Variants in SIK3 observed in about 807,000 individuals in gnomAD.
SIK3 encodes SIK family kinase 3, also known as serine/threonine-protein kinase SIK3.
A neutral mutation model predicts 144.2 loss-of-function variants in SIK3; 28 were observed. That is an observed-to-expected ratio of 0.19 (90% CI 0.14 to 0.27). The LOEUF is 0.27. Among genes scored for constraint, SIK3 ranks in the 10% least tolerant of loss-of-function variants. The pLI is 1.00. For synonymous variants in SIK3, 686 were observed against 676.3 expected, an observed-to-expected ratio of 1.01 and a Z score of -0.22; for missense variants, 1,319 against 1,776.0, an observed-to-expected ratio of 0.74 and a Z score of 4.62.
intron 1 of SIK3, among the ~76,000 whole-genome samples, chr11:117,029,157 C>T (rs1379508919): frequency 6.6e-6 from 1 of 152,200 alleles, no homozygotes; most frequent in African/African-American, 2.4e-5. Context: ...GATCCGCCAA[C>T]CTCGGTCTCC....
intron 13 of SIK3, among the ~76,000 whole-genome samples, chr11:116,871,451 T>G (rs941782193): frequency 6.6e-6 from 1 of 152,126 alleles, no homozygotes; most frequent in Non-Finnish European, 1.5e-5. Context: ...TGACAAATGG[T>G]CTTGAATAAC....
At chr11:116,851,986 C>T (rs1423868155) in intron 21 of SIK3, among the ~76,000 whole-genome samples, 3 of 152,190 alleles carry the variant, frequency 2.0e-5, no homozygotes, top group Non-Finnish European at 4.4e-5. Flanking sequence ...TGCTTTTTTC[C>T]TTTAAGCCTG....
At chr11:116,920,658 C>G (rs1946914735) in intron 4 of SIK3, among the ~76,000 whole-genome samples, 1 of 152,204 alleles carries the variant, frequency 6.6e-6, no homozygotes, top group Non-Finnish European at 1.5e-5. Flanking sequence ...TACACCTGAT[C>G]ATCCAATCAC....
intron 4 of SIK3, among the ~76,000 whole-genome samples, chr11:116,897,677 T>C (rs1011620766): frequency 6.6e-5 from 10 of 152,044 alleles, no homozygotes; most frequent in Admixed American, 6.6e-4. Flanking sequence ...GATCACGAGG[T>C]CAGGAGATCA....
intron 1 of SIK3, among the ~76,000 whole-genome samples, chr11:117,016,375 GGAGGGAGA>G (rs1175089248): frequency 3.0e-5 from 3 of 99,196 alleles, no homozygotes; most frequent in African/African-American, 1.5e-4. Context: ...GGAAGGAGAG[GGAGGGAGA>G]GAGGGAGGGA....
intron 1 of SIK3, among the ~76,000 whole-genome samples, chr11:117,075,522 C>T (rs12274388): frequency 0.39 from 59,213 of 150,602 alleles, 14,766 homozygotes; most frequent in African/African-American, 0.72. Context: ...TATCCACATT[C>T]TATGTTATTG....
intron 6 of SIK3, among the ~76,000 whole-genome samples, chr11:116,877,484 T>C (rs1944314104): frequency 6.6e-6 from 1 of 152,214 alleles, no homozygotes; most frequent in Non-Finnish European, 1.5e-5. Context: ...AGGTGTGCAA[T>C]ACCCTTCTTC....
chr11:116,847,736 C>T (rs200622628), intron 22 of SIK3, 128 bp from the exon 23 acceptor site: 141 of 1,090,656 alleles, frequency 1.3e-4, no homozygotes, highest in Non-Finnish European at 1.8e-4. Flanking sequence ...CAGACTCCTT[C>T]CTCTAAAGCA....
chr11:117,023,621 A>AAAATAT (rs754624841), intron 1 of SIK3, among the ~76,000 whole-genome samples: 121 of 95,342 alleles, frequency 1.3e-3, no homozygotes, highest in East Asian at 7.4e-3. Context: ...AAAAAAAAAA[A>AAAATAT]ATATATATAT....
At chr11:116,938,443 C>G (rs562106347) in intron 3 of SIK3, among the ~76,000 whole-genome samples, 1 of 1,768 alleles carries the variant, frequency 5.7e-4, no homozygotes, top group Non-Finnish European at 1.0e-3. Context: ...GGGGACGGGA[C>G]GGGAGGGGAG....
intron 6 of SIK3, among the ~76,000 whole-genome samples, chr11:116,880,873 C>T (rs997653926): frequency 1.3e-5 from 2 of 152,146 alleles, no homozygotes; most frequent in African/African-American, 4.8e-5. Context: ...TCTGTAATCC[C>T]AGCACTTTGG....
chr11:116,995,440 T>A (rs1381179010), intron 1 of SIK3, among the ~76,000 whole-genome samples: 2 of 151,830 alleles, frequency 1.3e-5, no homozygotes, highest in East Asian at 4.0e-4. Flanking sequence ...ATTTTTGTAT[T>A]TTTGTAGAGA....
intron 1 of SIK3, among the ~76,000 whole-genome samples, chr11:117,075,765 G>A (rs1208534846): frequency 2.7e-5 from 4 of 146,204 alleles, no homozygotes; most frequent in South Asian, 2.2e-4. Flanking sequence ...AGATGGTCTC[G>A]ATCTCCTGAC....
At chr11:117,045,191 C>A (rs960533694) in intron 1 of SIK3, among the ~76,000 whole-genome samples, 1 of 152,154 alleles carries the variant, frequency 6.6e-6, no homozygotes, top group Non-Finnish European at 1.5e-5. Flanking sequence ...CAATATATAA[C>A]CAAATATCTG....
intron 1 of SIK3, among the ~76,000 whole-genome samples, chr11:117,051,490 A>G (rs960747545): frequency 6.6e-6 from 1 of 152,010 alleles, no homozygotes; most frequent in Non-Finnish European, 1.5e-5. Context: ...CTATAGATAT[A>G]GATATGGAAA....
intron 1 of SIK3, among the ~76,000 whole-genome samples, chr11:117,021,957 A>AAAAAAAAAAAAC: frequency 6.8e-6 from 1 of 147,768 alleles, no homozygotes; most frequent in East Asian, 2.0e-4. Flanking sequence ...AAAAAAAAAA[A>AAAAAAAAAAAAC]AAAACCTAAA....
intron 1 of SIK3, among the ~76,000 whole-genome samples, chr11:117,020,060 G>T (rs1342592079): frequency 6.6e-6 from 1 of 151,800 alleles, no homozygotes; most frequent in Admixed American, 6.6e-5. Flanking sequence ...ACTGCTACTA[G>T]CTAAATAAAA....
chr11:116,846,431 C>T lies in SIK3; in HGVS notation c.4075G>A (p.Glu1359Lys), dbSNP rs769986194. 19 of 1,614,134 alleles carry T rather than the reference C, an allele frequency of 1.2e-5. No homozygotes were observed. The highest frequency in any genetic ancestry group is 5.5e-5 in the South Asian group (5 of 91,074). Residue 1359 changes from glutamate (E) to lysine (K), a missense_variant, in exon 24 of 25, where the codon GAA becomes AAA. Transcript: ENST00000445177. The surrounding 1 kb of genome is among the most constrained non-coding windows in gnomAD (Gnocchi z 4.1). ...TDILLSYKHP[E>K]VSFSMEQAGV ...GCCTGCTCCATGCTGAAGGAGACTTCGGGGTGCTTGTAGCTGAGCAGAATG... is the reference window on the plus strand; with the variant it reads ...GCCTGCTCCATGCTGAAGGAGACTTTGGGGTGCTTGTAGCTGAGCAGAATG...
chr11:117,049,691 C>CT (rs1287178402), intron 1 of SIK3, among the ~76,000 whole-genome samples: 8 of 152,122 alleles, frequency 5.3e-5, no homozygotes, highest in Non-Finnish European at 1.0e-4. Context: ...GGTGCAATGG[C>CT]TCACACCTAG....
Sources: allele counts gnomAD v4.1 joint callset (sites outside exome capture counted in the v4.1 genomes callset), GRCh38; gene constraint gnomAD v4.1.1; non-coding constraint Gnocchi (gnomAD v3.1); transcripts MANE v1.5; gene names NCBI Gene and HGNC (gene_info 2026-07-23, HGNC 2026-07-21).